Variants in GALNT7 observed in about 807,000 individuals in gnomAD.
GALNT7 encodes polypeptide N-acetylgalactosaminyltransferase 7, also known as N-acetylgalactosaminyltransferase 7.
GALNT7 carries 60 observed loss-of-function variants against 82.1 expected under a neutral mutation model. The observed-to-expected ratio is 0.73, with a 90% CI of 0.59 to 0.91. The LOEUF (loss-of-function observed/expected upper bound fraction) is 0.91, where lower values mean the gene tolerates loss of function less well. Ranked by LOEUF, GALNT7 falls within the 40% of genes least tolerant of loss-of-function variation. The pLI, the probability that GALNT7 is intolerant of heterozygous loss-of-function variation, is 0.00. For missense variants in GALNT7, 660 were observed against 804.2 expected (o/e 0.82, Z 2.17); for synonymous variants, 243 against 275.1 (o/e 0.88, Z 1.15).
intron 2 of GALNT7, among the ~76,000 whole-genome samples, chr4:173,272,684 T>C (rs1735771464): frequency 1.3e-5 from 2 of 152,224 alleles, no homozygotes; most frequent in Non-Finnish European, 2.9e-5. Flanking sequence ...GAAATAGTAT[T>C]ACCAAATTTT....
At chr4:173,287,957 A>T (rs896760657) in intron 2 of GALNT7, among the ~76,000 whole-genome samples, 1 of 152,134 alleles carries the variant, frequency 6.6e-6, no homozygotes, top group East Asian at 1.9e-4. Context: ...TTTAAATGCC[A>T]ATGTAGTTGG....
At chr4:173,318,702 T>A in intron 11 of GALNT7, 143 bp downstream of exon 11, 1 of 572,842 alleles carries the variant, frequency 1.7e-6, no homozygotes, top group Non-Finnish European at 3.1e-6. Context: ...TGCATAGGTT[T>A]TCCTGAGCAC....
At chr4:173,263,720 T>C (rs1735367469) in intron 2 of GALNT7, among the ~76,000 whole-genome samples, 1 of 152,218 alleles carries the variant, frequency 6.6e-6, no homozygotes, top group Non-Finnish European at 1.5e-5. Context: ...TCAAGGTTCA[T>C]CAATTTATTA....
intron 1 of GALNT7, among the ~76,000 whole-genome samples, chr4:173,210,602 AT>A (rs962608177): frequency 2.5e-4 from 37 of 147,380 alleles, no homozygotes; most frequent in Non-Finnish European, 2.9e-4. Flanking sequence ...TACAGGCTAA[AT>A]TTTTTTTTTT....
intron 1 of GALNT7, among the ~76,000 whole-genome samples, chr4:173,178,729 A>C (rs1028818507): frequency 6.6e-6 from 1 of 152,204 alleles, no homozygotes; most frequent in Non-Finnish European, 1.5e-5. Flanking sequence ...GGTTTATAGA[A>C]TTGGTGCAGA....
chr4:173,223,797 G>A (rs1431000259), intron 1 of GALNT7, among the ~76,000 whole-genome samples: 1 of 152,040 alleles, frequency 6.6e-6, no homozygotes, highest in East Asian at 1.9e-4. Flanking sequence ...TTCTCTCTCT[G>A]CCTTTCTCTC....
At chr4:173,234,902 C>T (rs1316796394) in intron 1 of GALNT7, among the ~76,000 whole-genome samples, 1 of 152,230 alleles carries the variant, frequency 6.6e-6, no homozygotes, top group Non-Finnish European at 1.5e-5. Context: ...CTTCCCTTCC[C>T]TACTGCCATG....
Position 173,302,114 on chromosome 4 carries a change from G to C in GALNT7, c.1216G>C (p.Asp406His). 1 of 1,597,548 alleles carries C rather than the reference G, an allele frequency of 6.3e-7. No homozygotes were observed. Among genetic ancestry groups the C allele is most frequent in the Non-Finnish European group, 8.6e-7 (1 of 1,165,004 alleles). Residue 406 changes from aspartate (D) to histidine (H), a missense_variant, in exon 7 of 12, where the codon GAT (aspartate) becomes CAT (histidine). Transcript: ENST00000265000. The surrounding 1 kb of genome is among the most constrained non-coding windows in gnomAD (Gnocchi z 4.2). The stretch of plus-strand genomic sequence containing the variant: ...GTTCTTCTTTGAATTGGGTCTCTAT[G>C]ATCCAGGTCTCCAGATTTGGGGTGG... ...REFFFELGLY[D>H]PGLQIWGGEN...
chr4:173,229,938 G>A (rs1036826755), intron 1 of GALNT7, among the ~76,000 whole-genome samples: 1 of 151,894 alleles, frequency 6.6e-6, no homozygotes, highest in Non-Finnish European at 1.5e-5. Flanking sequence ...CACATTGGCA[G>A]GCTGTCTTAA....
intron 2 of GALNT7, among the ~76,000 whole-genome samples, chr4:173,273,419 A>G (rs577211722): frequency 6.6e-6 from 1 of 152,304 alleles, no homozygotes; most frequent in East Asian, 1.9e-4. Context: ...TGTGTTTACC[A>G]TAAGGAGGCC....
At chr4:173,194,911 G>C (rs1416705060) in intron 1 of GALNT7, among the ~76,000 whole-genome samples, 2 of 151,962 alleles carry the variant, frequency 1.3e-5, no homozygotes, top group South Asian at 2.1e-4. Flanking sequence ...TCCACTTTTT[G>C]CTGCTGTTGA....
At chr4:173,217,584 A>C (rs1444239739) in intron 1 of GALNT7, among the ~76,000 whole-genome samples, 1 of 152,198 alleles carries the variant, frequency 6.6e-6, no homozygotes, top group African/African-American at 2.4e-5. Flanking sequence ...TTTCTTATTT[A>C]AATTGGACTT....
At chr4:173,178,868 T>A (rs1579880917) in intron 1 of GALNT7, among the ~76,000 whole-genome samples, 1 of 152,374 alleles carries the variant, frequency 6.6e-6, no homozygotes, top group African/African-American at 2.4e-5. Context: ...CTGGATGAGT[T>A]AAAATTAAGT....
intron 8 of GALNT7, among the ~76,000 whole-genome samples, chr4:173,307,639 G>A (rs902916768): frequency 1.3e-5 from 2 of 152,218 alleles, no homozygotes; most frequent in African/African-American, 4.8e-5. Context: ...CTAGCTCTCT[G>A]TTGCAGCTGA....
rs1326194232 is a variant in GALNT7 at position 173,168,831 on chromosome 4, G to A, written c.-5G>A. The A allele has an allele frequency of 1.9e-6, 3 of 1,612,270 alleles. No individual in the cohort carries two copies. The highest frequency in any genetic ancestry group is 1.3e-5 in the African/African-American group (1 of 74,778). Reference sequence around the variant, plus strand: ...GGGCTGTGAGTCTCTCGCCGCCGGAGGAAGATGAGGCTGAAGATTGGGTTC... The same window carrying A: ...GGGCTGTGAGTCTCTCGCCGCCGGAAGAAGATGAGGCTGAAGATTGGGTTC... On this transcript the variant is annotated 5_prime_UTR_variant, in exon 1 of 12. Transcript: ENST00000265000.
intron 1 of GALNT7, among the ~76,000 whole-genome samples, chr4:173,181,049 A>T (rs551542961): frequency 6.6e-5 from 10 of 152,300 alleles, no homozygotes; most frequent in South Asian, 6.2e-4. Context: ...TTTTTGGCAA[A>T]TAAGCTCTCA....
intron 1 of GALNT7, among the ~76,000 whole-genome samples, chr4:173,216,069 A>G (rs1319646169): frequency 6.6e-6 from 1 of 152,192 alleles, no homozygotes; most frequent in African/African-American, 2.4e-5. Flanking sequence ...TGTTGCAGTG[A>G]GCTGCGATCA....
intron 1 of GALNT7, among the ~76,000 whole-genome samples, chr4:173,182,185 A>C (rs577798153): frequency 4.3e-4 from 65 of 152,346 alleles, no homozygotes; most frequent in African/African-American, 1.5e-3. Context: ...CTTATGTTTA[A>C]AAATAACATG....
chr4:173,248,494 T>A, intron 2 of GALNT7, 54 bp downstream of exon 2: 1 of 1,083,648 alleles, frequency 9.2e-7, no homozygotes, highest in East Asian at 2.4e-5. Context: ...TTTTCATAGG[T>A]TTTTAGGTTT....
Sources: gnomAD v4.1 joint callset for allele counts (sites outside exome capture counted in the v4.1 genomes callset) on GRCh38, gnomAD v4.1.1 for gene constraint, Gnocchi (gnomAD v3.1) non-coding constraint, MANE v1.5 for transcripts, NCBI Gene and HGNC (gene_info 2026-07-23, HGNC 2026-07-21) for gene names.